SLC35A1: variants seen among roughly 807,000 people sequenced by gnomAD.
SLC35A1 encodes solute carrier family 35 member A1, also known as CMP-sialic acid transporter.
A neutral mutation model predicts 40.3 loss-of-function variants in SLC35A1; 21 were observed. The observed-to-expected ratio is 0.52, with a 90% CI of 0.37 to 0.75. SLC35A1 has a LOEUF of 0.75. Ranked by LOEUF, SLC35A1 falls within the 30% of genes least tolerant of loss-of-function variation. The probability of loss-of-function intolerance (pLI) is 0.00; values close to 1 mark genes in which losing one functional copy is unlikely to be tolerated. For synonymous variants in SLC35A1, 146 were observed against 147.3 expected (o/e 0.99, Z 0.06); for missense variants, 297 against 382.1 (o/e 0.78, Z 1.86).
Position 87,501,290 on chromosome 6 carries a change from G to A in SLC35A1, c.487G>A (p.Ala163Thr). The stretch of plus-strand genomic sequence containing the variant: ...AGTTACGCTTGTACAGTGGAAACCA[G>A]CCCAAGCTACAAAAGTGGTGGTAAG... ...AGVTLVQWKP[A>T]QATKVVVEQN... The change falls in exon 4 of 8, where the codon GCC (alanine) becomes ACC (threonine). Residue 163 changes from alanine to threonine, a missense_variant. Coordinates refer to ENST00000369552, the MANE Select transcript of SLC35A1 (RefSeq NM_006416.5). 1 of 1,613,920 alleles carries A rather than the reference G, an allele frequency of 6.2e-7. No homozygotes were observed. Among genetic ancestry groups the A allele is most frequent in the Non-Finnish European group, 8.5e-7 (1 of 1,179,922 alleles).
chr6:87,474,583 C>T (rs1419131736), intron 1 of SLC35A1, among the ~76,000 whole-genome samples: 3 of 152,144 alleles, frequency 2.0e-5, no homozygotes, highest in East Asian at 3.8e-4. Flanking sequence ...TGGACTTTTG[C>T]TGTTACCCTG....
intron 5 of SLC35A1, among the ~76,000 whole-genome samples, chr6:87,507,882 A>G (rs919510602): frequency 2.9e-5 from 4 of 139,724 alleles, no homozygotes; most frequent in Non-Finnish European, 4.9e-5. Context: ...CTTGTGTATG[A>G]ACTTGGCTTG....
rs1239542157 is a variant in SLC35A1, at chr6:87,508,496, G to A, written c.651G>A (p.Gly217=). 1 of 1,612,702 alleles carries A rather than the reference G, an allele frequency of 6.2e-7. No individual in the cohort carries two copies. ...GAAACATTCAAATGTATCTATCAGG[G>A]ATTATTGTGACATTAGCTGGCGTCT... The part of the protein sequence containing the change: ...WVRNIQMYLS[G]IIVTLAGVYL... The change falls in exon 6 of 8, where the codon GGG becomes GGA. Residue 217 remains glycine, a synonymous_variant. Transcript: ENST00000369552.
intron 2 of SLC35A1, among the ~76,000 whole-genome samples, chr6:87,487,032 CTGGGCGTGGTGGCACA>C (rs1487460549): frequency 1.3e-5 from 2 of 152,044 alleles, no homozygotes; most frequent in African/African-American, 4.8e-5. Context: ...CAAAAATTAG[CTGGGCGTGGTGGCACA>C]TGCCTGTATT....
At chr6:87,500,482 C>A in intron 2 of SLC35A1, 26 bp from the exon 3 acceptor site, 1 of 1,612,920 alleles carries the variant, frequency 6.2e-7, no homozygotes, top group Middle Eastern at 1.7e-4. Flanking sequence ...TTACCACCCT[C>A]TCATCTCCCC....
At chr6:87,473,265 C>T (rs1768970654) in intron 1 of SLC35A1, among the ~76,000 whole-genome samples, 2 of 152,218 alleles carry the variant, frequency 1.3e-5, no homozygotes, top group African/African-American at 4.8e-5. Context: ...CCGCACTGAC[C>T]TCCACTAGCT....
chr6:87,479,453 A>G (rs994006527), intron 2 of SLC35A1, among the ~76,000 whole-genome samples: 1 of 152,124 alleles, frequency 6.6e-6, no homozygotes, highest in Non-Finnish European at 1.5e-5. Context: ...ATTCCTTTCC[A>G]TTTACCGAAC....
intron 3 of SLC35A1, 144 bp downstream of exon 3, chr6:87,500,811 G>C (rs560224231): frequency 1.2e-6 from 1 of 813,876 alleles, no homozygotes; most frequent in Admixed American, 2.5e-5. Context: ...GCAGTGACGT[G>C]ATCTCAGCTC....
chr6:87,473,896 A>G (rs1426283581), intron 1 of SLC35A1, among the ~76,000 whole-genome samples: 1 of 152,276 alleles, frequency 6.6e-6, no homozygotes, highest in East Asian at 1.9e-4. Context: ...GAACGAATAC[A>G]TAAGGAATAT....
chr6:87,498,063 G>T (rs1562023906), intron 2 of SLC35A1, among the ~76,000 whole-genome samples: 2 of 152,000 alleles, frequency 1.3e-5, no homozygotes, highest in East Asian at 3.9e-4. Flanking sequence ...AGGTAAAGTG[G>T]CATTGCCCAT....
At chr6:87,499,055 C>T in intron 2 of SLC35A1, 1 of 858,840 alleles carries the variant, frequency 1.2e-6, no homozygotes, top group Non-Finnish European at 1.4e-6. Flanking sequence ...ACAAAGAGAT[C>T]TGTAACTAAG....
At chr6:87,474,359 A>G (rs1769008093) in intron 1 of SLC35A1, among the ~76,000 whole-genome samples, 1 of 152,270 alleles carries the variant, frequency 6.6e-6, no homozygotes. Flanking sequence ...CATAAACTAT[A>G]GTAAAACATA....
Position 87,500,626 on chromosome 6 carries a change from G to C in SLC35A1, c.313G>C (p.Ala105Pro). The C allele has an allele frequency of 1.2e-6, 2 of 1,614,112 alleles. No homozygotes were observed. The highest frequency in any genetic ancestry group is 1.7e-6 in the Non-Finnish European group (2 of 1,180,018). The change falls in exon 3 of 8, where the codon GCT becomes CCT. Residue 105 changes from alanine (A) to proline (P), a missense_variant. Coordinates refer to ENST00000369552, the MANE Select transcript of SLC35A1 (RefSeq NM_006416.5). ...AGTGTATGCTGTTCAGAACAACATG[G>C]CTTTCCTAGCTCTTAGCAATCTGGA... ...SLVYAVQNNM[A>P]FLALSNLDAA... is the part of the protein sequence containing the mutation.
At chr6:87,501,829 A>T (rs762665087) in intron 4 of SLC35A1, among the ~76,000 whole-genome samples, 3 of 152,176 alleles carry the variant, frequency 2.0e-5, no homozygotes, top group Non-Finnish European at 4.4e-5. Flanking sequence ...ATAATTGATA[A>T]TTATCTTTAG....
chr6:87,506,600 C>A, intron 5 of SLC35A1, 152 bp downstream of exon 5: 2 of 708,926 alleles, frequency 2.8e-6, no homozygotes, highest in Non-Finnish European at 2.5e-6. Flanking sequence ...GCTGTTTTTC[C>A]AGTAAATGTA....
intron 2 of SLC35A1, among the ~76,000 whole-genome samples, chr6:87,481,130 AC>A (rs996435543): frequency 4.6e-5 from 7 of 152,150 alleles, no homozygotes; most frequent in African/African-American, 1.4e-4. Flanking sequence ...ATTTGGGGAC[AC>A]CAGGCTGGGC....
At chr6:87,474,917 A>G (rs1769023954) in intron 1 of SLC35A1, among the ~76,000 whole-genome samples, 1 of 152,212 alleles carries the variant, frequency 6.6e-6, no homozygotes, top group African/African-American at 2.4e-5. Flanking sequence ...ATATGTTTGT[A>G]GGCTATCAAT....
At chr6:87,492,690 C>T (rs1308306818) in intron 2 of SLC35A1, among the ~76,000 whole-genome samples, 1 of 151,780 alleles carries the variant, frequency 6.6e-6, no homozygotes, top group African/African-American at 2.4e-5. Context: ...ATTGGGATTA[C>T]AGGGATGCAC....
Position 87,511,576 on chromosome 6 carries a change from CTA to C in SLC35A1, c.*51_*52del. The C allele has an allele frequency of 6.3e-7, 1 of 1,592,498 alleles. No homozygotes were observed. Among genetic ancestry groups the C allele is most frequent in the Non-Finnish European group, 8.6e-7 (1 of 1,160,632 alleles). On this transcript the variant is annotated 3_prime_UTR_variant, in exon 8 of 8. Coordinates refer to ENST00000369552, the MANE Select transcript of SLC35A1 (RefSeq NM_006416.5). ...TTAAGACTAAACCATTTGCATTAAA[CTA>C]GAGCCTTAAGTCAATCTCAGAAGGT... is the stretch of plus-strand genomic sequence containing the variant.
Sources: allele counts gnomAD v4.1 joint callset (sites outside exome capture counted in the v4.1 genomes callset), GRCh38; gene constraint gnomAD v4.1.1; transcripts MANE v1.5; gene names NCBI Gene and HGNC (gene_info 2026-07-23, HGNC 2026-07-21).